The following DLG2 variants were observed in gnomAD, a reference collection of about 807,000 sequenced individuals.
DLG2 encodes disks large homolog 2.
Under a neutral mutation model 132.5 loss-of-function variants are expected in DLG2, and 45 were observed. The observed-to-expected ratio is 0.34, with a 90% CI of 0.27 to 0.44. The LOEUF is 0.44. Among genes scored for constraint, DLG2 ranks in the 20% least tolerant of loss-of-function variants. The probability of loss-of-function intolerance (pLI) is 1.00; values close to 1 mark genes in which losing one functional copy is unlikely to be tolerated. For missense variants in DLG2, 1,045 were observed against 1,196.9 expected (o/e 0.87, Z 1.87); for synonymous variants, 424 against 419.6 (o/e 1.01, Z -0.13).
At chr11:85,115,429 C>A (rs2073425394) in intron 5 of DLG2, among the ~76,000 whole-genome samples, 1 of 151,696 alleles carries the variant, frequency 6.6e-6, no homozygotes, top group Non-Finnish European at 1.5e-5. Flanking sequence ...TCAGTATCTG[C>A]CTAAAAAAGT....
At chr11:85,277,645 A>C (rs549398793) in intron 4 of DLG2, among the ~76,000 whole-genome samples, 1 of 152,246 alleles carries the variant, frequency 6.6e-6, no homozygotes, top group South Asian at 2.1e-4. Context: ...CAGGCTTCCT[A>C]GGTGATTAAT....
intron 3 of DLG2, among the ~76,000 whole-genome samples, chr11:85,308,161 A>AAAATG (rs2080080060): frequency 8.4e-6 from 1 of 119,360 alleles, no homozygotes; most frequent in Non-Finnish European, 1.8e-5. Context: ...CTCAAAAAAT[A>AAAATG]AAATAAAATA....
At chr11:84,920,825 T>C (rs1451870457) in intron 6 of DLG2, among the ~76,000 whole-genome samples, 1 of 152,118 alleles carries the variant, frequency 6.6e-6, no homozygotes, top group Non-Finnish European at 1.5e-5. Flanking sequence ...TTATATTTTA[T>C]AAAGGTCCTA....
intron 3 of DLG2, among the ~76,000 whole-genome samples, chr11:85,359,093 A>G (rs2083954084): frequency 6.6e-6 from 1 of 152,216 alleles, no homozygotes. Context: ...TCCCTAGACT[A>G]TGCAAAGACA....
chr11:83,997,396 A>G (rs1225067318), intron 11 of DLG2, among the ~76,000 whole-genome samples: 1 of 152,122 alleles, frequency 6.6e-6, no homozygotes, highest in African/African-American at 2.4e-5. Flanking sequence ...TTATGATAGA[A>G]AATGTAGTCA....
chr11:84,828,480 G>A (rs2078621424), intron 6 of DLG2, among the ~76,000 whole-genome samples: 1 of 151,682 alleles, frequency 6.6e-6, no homozygotes, highest in African/African-American at 2.4e-5. Flanking sequence ...ATTTTAAAGG[G>A]ATAAATAGCA....
chr11:84,828,452 A>G (rs888464705), intron 6 of DLG2, among the ~76,000 whole-genome samples: 1 of 151,870 alleles, frequency 6.6e-6, no homozygotes, highest in African/African-American at 2.4e-5. Flanking sequence ...CAGTAGAAAG[A>G]AATGAAATGA....
chr11:84,259,208 G>A (rs2097521066), intron 7 of DLG2, among the ~76,000 whole-genome samples: 1 of 151,242 alleles, frequency 6.6e-6, no homozygotes, highest in South Asian at 2.1e-4. Flanking sequence ...GGAGGTGGAG[G>A]TGGCAGTAAG....
intron 11 of DLG2, among the ~76,000 whole-genome samples, chr11:84,004,163 G>A (rs1430718511): frequency 6.6e-6 from 1 of 152,016 alleles, no homozygotes; most frequent in Non-Finnish European, 1.5e-5. Flanking sequence ...TATTCCTGAC[G>A]AACACATCTT....
chr11:84,051,257 A>T (rs1246832094), intron 11 of DLG2, among the ~76,000 whole-genome samples: 2 of 152,002 alleles, frequency 1.3e-5, no homozygotes, highest in African/African-American at 4.8e-5. Flanking sequence ...CATTTGACCC[A>T]GAAATCCCAT....
At chr11:85,164,222 A>G (rs144049715) in intron 4 of DLG2, among the ~76,000 whole-genome samples, 1,592 of 152,226 alleles carry the variant, frequency 0.01, 11 homozygotes, top group Middle Eastern at 0.041. Flanking sequence ...TTTCCTACAT[A>G]AAAGGGGAGT....
intron 6 of DLG2, chr11:84,545,211 T>C (rs1233639561): frequency 8.7e-6 from 4 of 461,554 alleles, no homozygotes; most frequent in African/African-American, 8.0e-5. Flanking sequence ...TGGCAAAGGA[T>C]TGTCCTTCAT....
At chr11:85,507,086 T>C (rs963014388) in intron 3 of DLG2, among the ~76,000 whole-genome samples, 5 of 152,196 alleles carry the variant, frequency 3.3e-5, no homozygotes, top group Non-Finnish European at 7.3e-5. Context: ...CATCCCTTTA[T>C]TTTAAGCCTA....
At chr11:83,791,306 CT>C in intron 17 of DLG2, 1 of 677,344 alleles carries the variant, frequency 1.5e-6, no homozygotes, top group Non-Finnish European at 2.6e-6. Context: ...CCCGCCTTGC[CT>C]TTTGGCTTCT....
At chr11:84,622,235 AC>A (rs2099615256) in intron 6 of DLG2, among the ~76,000 whole-genome samples, 1 of 152,156 alleles carries the variant, frequency 6.6e-6, no homozygotes, top group Non-Finnish European at 1.5e-5. Context: ...TTTTGGAAGT[AC>A]CTTTATCCTG....
At chr11:84,607,466 G>C (rs11824908) in intron 6 of DLG2, among the ~76,000 whole-genome samples, 1 of 152,032 alleles carries the variant, frequency 6.6e-6, no homozygotes, top group Non-Finnish European at 1.5e-5. Context: ...AGATTTTTGG[G>C]GGGGCAGGGA....
chr11:85,406,392 T>A (rs1163581756), intron 3 of DLG2, among the ~76,000 whole-genome samples: 1 of 151,756 alleles, frequency 6.6e-6, no homozygotes, highest in African/African-American at 2.4e-5. Context: ...TGGAGGAAAT[T>A]CTGAAAGGAA....
At chr11:85,303,657 T>C (rs577642478) in intron 3 of DLG2, among the ~76,000 whole-genome samples, 4 of 152,280 alleles carry the variant, frequency 2.6e-5, no homozygotes, top group African/African-American at 7.2e-5. Flanking sequence ...TGTGTTTGTG[T>C]GTGTATGTCT....
At chr11:83,688,902 T>G (rs1324732479) in intron 18 of DLG2, among the ~76,000 whole-genome samples, 1 of 152,114 alleles carries the variant, frequency 6.6e-6, no homozygotes, top group Non-Finnish European at 1.5e-5. Context: ...CAAAGTTATC[T>G]CAGACTTCAA....
Sources: gnomAD v4.1 joint callset for allele counts (sites outside exome capture counted in the v4.1 genomes callset) on GRCh38, gnomAD v4.1.1 for gene constraint, MANE v1.5 for transcripts, NCBI Gene and HGNC (gene_info 2026-07-23, HGNC 2026-07-21) for gene names.